MAMDC4: variants seen among roughly 807,000 people sequenced by gnomAD.
MAMDC4 encodes MAM domain containing 4, also known as apical endosomal glycoprotein.
In MAMDC4, 168 loss-of-function variants were observed where a neutral mutation model predicts 153.3. The observed-to-expected ratio is 1.10, with a 90% CI of 0.97 to 1.25. The LOEUF is 1.25. Ranked by LOEUF, MAMDC4 falls within the 50% of genes most tolerant of loss-of-function variation. The pLI is 0.00. For synonymous variants in MAMDC4, 744 were observed against 651.5 expected, an observed-to-expected ratio of 1.14 and a Z score of -2.16; for missense variants, 1,701 against 1,542.8, an observed-to-expected ratio of 1.10 and a Z score of -1.72.
At chr9:136,858,655 T>A in intron 22 of MAMDC4, 64 bp from the exon 23 acceptor site, 1 of 1,600,730 alleles carries the variant, frequency 6.2e-7, no homozygotes. Flanking sequence ...TCACCGAGCC[T>A]CTGCTCGGGC....
chr9:136,854,112 G>T, intron 6 of MAMDC4, 36 bp downstream of exon 6: 1 of 1,611,124 alleles, frequency 6.2e-7, no homozygotes, highest in East Asian at 2.2e-5. Flanking sequence ...ACCCCCGGGA[G>T]GGCCCCCACC....
intron 1 of MAMDC4, 23 bp downstream of exon 1, chr9:136,852,485 T>A (rs758659065): frequency 6.2e-7 from 1 of 1,607,542 alleles, no homozygotes; most frequent in Non-Finnish European, 8.5e-7. Flanking sequence ...GTCCCACTCC[T>A]GAGGCAGGAC....
At position 136,858,495 on chromosome 9, in the gene MAMDC4, C is replaced by A; in HGVS notation, c.2770C>A (p.Pro924Thr). Residue 924 changes from proline (P) to threonine (T), a missense_variant, in exon 22 of 27, where the codon CCC becomes ACC. Transcript: ENST00000317446. ...CTGGGACTGGGGCGGGGGAGCCACCCCCTCTCGTTACCCCCAGCCCCCTGT... is the reference window on the plus strand; with the variant it reads ...CTGGGACTGGGGCGGGGGAGCCACCACCTCTCGTTACCCCCAGCCCCCTGT... The part of the protein sequence containing the change: ...YSWDWGGGAT[P>T]SRYPQPPVDH... 1 of 1,607,340 alleles carries A rather than the reference C, an allele frequency of 6.2e-7. No homozygotes were observed. Among genetic ancestry groups the A allele is most frequent in the Non-Finnish European group, 8.5e-7 (1 of 1,178,250 alleles).
rs1293732915 is a variant in MAMDC4, at chr9:136,857,814, G to A, written c.2464+18G>A. On this transcript the variant is annotated intron_variant, in intron 19 of 26. Transcript: ENST00000317446. Reference sequence around the variant, plus strand: ...CAGCCCAGGTGAGGGGCTTTGGGAGGGGGCCCCAGTGGGCTCAGGGAAGCT... The same window carrying A: ...CAGCCCAGGTGAGGGGCTTTGGGAGAGGGCCCCAGTGGGCTCAGGGAAGCT... 6.2e-7 allele frequency: 1 copy of A among 1,609,888 alleles called. No homozygotes were observed. The highest frequency in any genetic ancestry group is 2.2e-5 in the East Asian group (1 of 44,820).
chr9:136,855,343 G>C lies in MAMDC4; in HGVS notation c.1282+5G>C, dbSNP rs371513017. ...ACCACTGCAGACCAGTCTCGGGTGAGCCTGCTGACTCTGCCCTACCCTGCC... is the reference window on the plus strand; with the variant it reads ...ACCACTGCAGACCAGTCTCGGGTGACCCTGCTGACTCTGCCCTACCCTGCC... On this transcript the variant is annotated splice_donor_5th_base_variant and intron_variant, in intron 11 of 26. Transcript: ENST00000317446. 1.1e-5 allele frequency: 17 copies of C among 1,603,080 alleles called. No homozygotes were observed. In the African/African-American group the frequency reaches 1.5e-4, roughly 14 times the overall value.
chr9:136,853,729 C>G, intron 4 of MAMDC4, 48 bp from the exon 5 acceptor site: 1 of 1,605,582 alleles, frequency 6.2e-7, no homozygotes, highest in Non-Finnish European at 8.5e-7. Context: ...GGGTGGGCAG[C>G]TGGGGACAAG....
In MAMDC4 at chr9:136,854,228, C is replaced by A; in HGVS notation, c.688C>A (p.Pro230Thr). The change falls in exon 7 of 27, where the codon CCC becomes ACC. Residue 230 changes from proline to threonine, a missense_variant. Coordinates refer to ENST00000317446, the MANE Select transcript of MAMDC4 (RefSeq NM_206920.3). ...CCACCCAGCCCCCCAGGCCAACTGT[C>A]CCCCGGGACACCACCACTGCCAGAA... The part of the protein sequence containing the change: ...CGLPTPQANC[P>T]PGHHHCQNKV... 6.2e-7 allele frequency: 1 copy of A among 1,612,056 alleles called. No homozygotes were observed. Among genetic ancestry groups the A allele is most frequent in the South Asian group, 1.1e-5 (1 of 91,008 alleles).
rs760505529 is a variant in MAMDC4, at chr9:136,857,010, C to T, written c.1941C>T (p.Ser647=). Residue 647 remains serine (S), a synonymous_variant, in exon 16 of 27, where the codon AGC becomes AGT. Transcript: ENST00000317446. ...CAGCAGCACCCACGGAGTGTCTCAG[C>T]TTCTGGTACCACCTCCATGGGCCCC... The part of the protein sequence containing the change: ...QVPAAPTECL[S]FWYHLHGPQI... 15 of 1,612,364 alleles carry T rather than the reference C, an allele frequency of 9.3e-6. No individual in the cohort carries two copies. The African/African-American group carries it at 1.7e-4, about 19-fold the overall frequency.
chr9:136,856,317 G>C, intron 14 of MAMDC4, 168 bp downstream of exon 14: 1 of 1,119,230 alleles, frequency 8.9e-7, no homozygotes, highest in Non-Finnish European at 1.4e-6. Flanking sequence ...CAGGCCCTGA[G>C]CAGCAGTGCA....
In MAMDC4 at chr9:136,858,169, T is replaced by TG; in HGVS notation, c.2584-16dup. The TG allele has an allele frequency of 6.5e-7, 1 of 1,544,764 alleles. No individual in the cohort carries two copies. The highest frequency in any genetic ancestry group is 1.8e-5 in the Admixed American group (1 of 54,318). ...CTGCCTGGACCCGCTGAGGCTGCCC[T>TG]GCCCTGCACCCGCCAGGTGGTGTTT... is the stretch of plus-strand genomic sequence containing the variant. On this transcript the variant is annotated splice_polypyrimidine_tract_variant and intron_variant, in intron 20 of 26. Transcript: ENST00000317446.
intron 6 of MAMDC4, 26 bp downstream of exon 6, chr9:136,854,102 A>G: frequency 6.2e-7 from 1 of 1,610,550 alleles, no homozygotes; most frequent in Non-Finnish European, 8.5e-7. Flanking sequence ...TTCCTGTTCC[A>G]CCCCCGGGAG....
rs770359938 is a variant in MAMDC4, at chr9:136,854,360, A to T, written c.796+24A>T. ...TGGTGAGGCCGGAGTGGGGGCCCAG[A>T]GTGAGGCTGGGAGACTGGACGCCTC... On this transcript the variant is annotated intron_variant, in intron 7 of 26. Coordinates refer to ENST00000317446, the MANE Select transcript of MAMDC4 (RefSeq NM_206920.3). 3.3e-6 allele frequency: 5 copies of T among 1,523,878 alleles called. No homozygotes were observed. The Admixed American group carries it at 1.1e-4, about 32-fold the overall frequency. The allele number at this position is 1,523,878 out of a possible 1,614,324, so 94.4% of individuals were successfully genotyped here.
At chr9:136,858,920 G>C in intron 23 of MAMDC4, 67 bp downstream of exon 23, 7 of 1,550,806 alleles carry the variant, frequency 4.5e-6, no homozygotes, top group Non-Finnish European at 4.3e-6. Context: ...GCAGAGGTGG[G>C]GAGGTGGCCT....
At position 136,855,017 on chromosome 9, in the gene MAMDC4, CCGGG is replaced by C. The variant is rs748838187; in HGVS notation, c.1106_1109del (p.Arg369ProfsTer173). 6.2e-7 allele frequency: 1 copy of C among 1,601,376 alleles called. No homozygotes were observed. Among genetic ancestry groups the C allele is most frequent in the Non-Finnish European group, 8.5e-7 (1 of 1,176,216 alleles). ...TGCAGACTCTGGGGCCCGGCGCCCC[CCGGG>C]CCCCCGTCCTGCTGCGGAGGCGCCG... On this transcript the variant is annotated frameshift_variant, in exon 10 of 27. Transcript: ENST00000317446. LOFTEE classifies it high-confidence loss of function.
At position 136,858,710 on chromosome 9, in the gene MAMDC4, T is replaced by A; in HGVS notation, c.2822-9T>A. ...CATCAGCTGGGCATCAGCCTCCTCT[T>A]GTTCCCAGGCCACTTTGCCTTCTTT... On this transcript the variant is annotated splice_polypyrimidine_tract_variant and intron_variant, in intron 22 of 26. Transcript: ENST00000317446. 1 of 1,612,018 alleles carries A rather than the reference T, an allele frequency of 6.2e-7. No individual in the cohort carries two copies. The highest frequency in any genetic ancestry group is 8.5e-7 in the Non-Finnish European group (1 of 1,179,712).
rs367942957 is a variant in MAMDC4 at position 136,854,511 on chromosome 9, G to A, written c.797-28G>A. The A allele has an allele frequency of 1.7e-4, 263 of 1,587,374 alleles. 1 individual carries two copies. In the African/African-American group the frequency reaches 3.1e-3, roughly 19 times the overall value. ...CGGCTTCAGGAAGCACTGCCTGGTG[G>A]CCCTGACACGCCCACCTCCTGCCCT... is the stretch of plus-strand genomic sequence containing the variant. On this transcript the variant is annotated intron_variant, in intron 7 of 26. Coordinates refer to ENST00000317446, the MANE Select transcript of MAMDC4 (RefSeq NM_206920.3).
rs1251044351 is a variant in MAMDC4 at position 136,857,422 on chromosome 9, T to C, written c.2162T>C (p.Val721Ala). Residue 721 changes from valine to alanine, a missense_variant, in exon 18 of 27, where the codon GTG becomes GCG. Coordinates refer to ENST00000317446, the MANE Select transcript of MAMDC4 (RefSeq NM_206920.3). ...GYHGTMALDDVAVRPGPCWAP... is the reference protein window; with the variant it reads ...GYHGTMALDDAAVRPGPCWAP... ...CACGGCACCATGGCGCTGGACGATG[T>C]GGCCGTGCGGCCGGGCCCCTGCTGG... 2 of 1,608,370 alleles carry C rather than the reference T, an allele frequency of 1.2e-6. No homozygotes were observed. The highest frequency in any genetic ancestry group is 4.5e-5 in the East Asian group (2 of 44,864).
rs1293633626 is a variant in MAMDC4, at chr9:136,855,570, G to A, written c.1422G>A (p.Leu474=). The change falls in exon 12 of 27, where the codon CTG becomes CTA. Residue 474 remains leucine, a synonymous_variant. Transcript: ENST00000317446. ...CGDLCVPPEQ[L]CDFEEQCAGG... is the part of the protein sequence containing the mutation. ...ACCTGTGTGTGCCCCCGGAACAACT[G>A]TGTGACTTCGAGGAGCAGTGCGCAG... The A allele has an allele frequency of 3.1e-6, 5 of 1,591,536 alleles. No homozygotes were observed. Among genetic ancestry groups the A allele is most frequent in the African/African-American group, 2.7e-5 (2 of 74,600 alleles).
At chr9:136,856,517 G>A (rs768090376) in intron 14 of MAMDC4, 193 bp from the exon 15 acceptor site, 1 of 789,494 alleles carries the variant, frequency 1.3e-6, no homozygotes, top group South Asian at 1.4e-5. Context: ...AGGGAGCTGG[G>A]GTGGACAACG....
Sources: gnomAD v4.1 joint callset for allele counts on GRCh38, gnomAD v4.1.1 for gene constraint, MANE v1.5 for transcripts, NCBI Gene and HGNC (gene_info 2026-07-23, HGNC 2026-07-21) for gene names.